The following HDGFL2 variants were observed in gnomAD, a reference collection of about 807,000 sequenced individuals.
HDGFL2 encodes the protein hepatoma-derived growth factor-related protein 2.
In HDGFL2, 36 loss-of-function variants were observed where a neutral mutation model predicts 77.1. The ratio of observed to expected loss-of-function variants is 0.47; its 90% confidence interval spans 0.36 to 0.62. HDGFL2 has a LOEUF of 0.62. Among genes scored for constraint, HDGFL2 ranks in the 20% least tolerant of loss-of-function variants. HDGFL2 has a pLI of 0.00. For synonymous variants in HDGFL2, 463 were observed against 413.1 expected, an observed-to-expected ratio of 1.12 and a Z score of -1.46; for missense variants, 976 against 973.4, an observed-to-expected ratio of 1.00 and a Z score of -0.04.
At chr19:4,475,111 G>C in intron 1 of HDGFL2, 164 bp from the exon 2 acceptor site, 1 of 633,308 alleles carries the variant, frequency 1.6e-6, no homozygotes, top group Non-Finnish European at 2.8e-6. Flanking sequence ...TTGCAGTGAA[G>C]GGTACACAGA....
chr19:4,483,011 T>A (rs1235877962), intron 3 of HDGFL2, among the ~76,000 whole-genome samples: 2 of 152,148 alleles, frequency 1.3e-5, no homozygotes, highest in Non-Finnish European at 2.9e-5. Flanking sequence ...TTACCAGGGA[T>A]GCTCCAAAGA....
chr19:4,482,969 G>T (rs1975258635), intron 3 of HDGFL2, among the ~76,000 whole-genome samples: 1 of 152,164 alleles, frequency 6.6e-6, no homozygotes, highest in South Asian at 2.1e-4. Context: ...CATTCTCTGA[G>T]CTGCTACTCC....
chr19:4,475,062 C>A (rs1397706767), intron 1 of HDGFL2: 3 of 573,828 alleles, frequency 5.2e-6, no homozygotes, highest in Non-Finnish European at 3.1e-6. Flanking sequence ...CAGCTCCGTC[C>A]CTGGGGTAGG....
chr19:4,498,968 G>C, intron 13 of HDGFL2, 53 bp downstream of exon 13: 1 of 1,323,636 alleles, frequency 7.6e-7, no homozygotes, highest in Non-Finnish European at 1.1e-6. Context: ...CTGGGAGCAA[G>C]TGCCTGCCCG....
intron 3 of HDGFL2, among the ~76,000 whole-genome samples, chr19:4,480,498 C>T (rs894819054): frequency 2.6e-5 from 4 of 152,224 alleles, no homozygotes; most frequent in African/African-American, 4.8e-5. Flanking sequence ...GCAGGTGGAT[C>T]ACCTGAGGTC....
intron 14 of HDGFL2, among the ~76,000 whole-genome samples, chr19:4,500,391 A>G (rs1322606476): frequency 6.6e-6 from 1 of 151,112 alleles, no homozygotes; most frequent in Non-Finnish European, 1.5e-5. Flanking sequence ...GGCGCAAGCC[A>G]TCCTCCACCT....
At chr19:4,480,485 G>A (rs546671918) in intron 3 of HDGFL2, among the ~76,000 whole-genome samples, 1 of 152,296 alleles carries the variant, frequency 6.6e-6, no homozygotes, top group South Asian at 2.1e-4. Context: ...TTGGGAGGCC[G>A]AGGCAGGTGG....
At chr19:4,497,420 A>G in intron 10 of HDGFL2, 1 of 303,386 alleles carries the variant, frequency 3.3e-6, no homozygotes, top group Admixed American at 4.8e-5. Flanking sequence ...GATGGTCTCT[A>G]TCTCCTAAAC....
chr19:4,501,341 T>G (rs1975875336), intron 15 of HDGFL2, 24 bp downstream of exon 15: 4 of 1,566,246 alleles, frequency 2.6e-6, no homozygotes, highest in Non-Finnish European at 3.5e-6. Flanking sequence ...GCCGTGGGGT[T>G]TGGACTCCTG....
At chr19:4,499,019 G>A in intron 13 of HDGFL2, 104 bp downstream of exon 13, 5 of 775,056 alleles carry the variant, frequency 6.5e-6, no homozygotes, top group Non-Finnish European at 8.7e-6. Flanking sequence ...GGACAGCCCT[G>A]GGTCAGCGAG....
At chr19:4,500,005 G>A (rs375952552) in intron 14 of HDGFL2, among the ~76,000 whole-genome samples, 2 of 151,132 alleles carry the variant, frequency 1.3e-5, no homozygotes, top group African/African-American at 4.9e-5. Flanking sequence ...ACCCTGGGAC[G>A]CCCAGAGAGG....
chr19:4,499,378 G>A (rs1008822053), intron 13 of HDGFL2, 113 bp from the exon 14 acceptor site: 1 of 839,644 alleles, frequency 1.2e-6, no homozygotes, highest in African/African-American at 1.7e-5. Flanking sequence ...GCTGCACAGA[G>A]CTGTGCTCCC....
intron 11 of HDGFL2, 112 bp downstream of exon 11, chr19:4,498,143 C>A: frequency 8.2e-7 from 1 of 1,224,564 alleles, no homozygotes; most frequent in Non-Finnish European, 1.2e-6. Context: ...CTCAGCACAT[C>A]CTCGGCCGGC....
chr19:4,488,629 C>G, intron 3 of HDGFL2, 47 bp from the exon 4 acceptor site: 4 of 1,499,766 alleles, frequency 2.7e-6, no homozygotes, highest in Non-Finnish European at 3.6e-6. Flanking sequence ...TGGGGAAATC[C>G]ACCCACGACT....
chr19:4,484,532 C>T (rs1293615783), intron 3 of HDGFL2, among the ~76,000 whole-genome samples: 1 of 150,876 alleles, frequency 6.6e-6, no homozygotes, highest in Non-Finnish European at 1.5e-5. Context: ...AGAGTCTTCG[C>T]TCTGTTGCCC....
chr19:4,487,446 G>T (rs1015377024), intron 3 of HDGFL2, among the ~76,000 whole-genome samples: 6 of 151,878 alleles, frequency 4.0e-5, no homozygotes, highest in African/African-American at 1.5e-4. Flanking sequence ...TTGTAGAGAG[G>T]GGGTTTCGCC....
chr19:4,496,439 G>A, intron 10 of HDGFL2, 34 bp downstream of exon 10: 1 of 1,546,012 alleles, frequency 6.5e-7, no homozygotes, highest in Non-Finnish European at 8.9e-7. Flanking sequence ...CACCCTGGGG[G>A]CCCCGCACCC....
chr19:4,501,097 C>T lies in HDGFL2; in HGVS notation c.1790-94C>T, dbSNP rs111333751. 9.3e-4 allele frequency: 1,417 copies of T among 1,525,756 alleles called. 3 individuals are homozygous for T. The Middle Eastern group carries it at 0.014, about 15-fold the overall frequency. 94.5% of individuals were successfully genotyped at this position (1,525,756 alleles called of 1,614,324 possible). ...ATGGGCATGTGTCACCCACGGCGCT[C>T]AGCTTGGCCCCTGGTCCAGTCCTTG... On this transcript the variant is annotated intron_variant, in intron 14 of 15. Coordinates refer to ENST00000616600, the MANE Select transcript of HDGFL2 (RefSeq NM_001001520.3).
intron 3 of HDGFL2, among the ~76,000 whole-genome samples, chr19:4,485,417 G>T (rs778721376): frequency 6.6e-6 from 1 of 151,950 alleles, no homozygotes; most frequent in Admixed American, 6.6e-5. Context: ...GGACATTTGG[G>T]TTTTTTTCAG....
Sources: gnomAD v4.1 joint callset for allele counts (sites outside exome capture counted in the v4.1 genomes callset) on GRCh38, gnomAD v4.1.1 for gene constraint, MANE v1.5 for transcripts, NCBI Gene and HGNC (gene_info 2026-07-23, HGNC 2026-07-21) for gene names.